Variants in CLTCL1 observed in about 807,000 individuals in gnomAD.
CLTCL1 encodes clathrin heavy chain 2.
CLTCL1 carries 159 observed loss-of-function variants against 190.0 expected under a neutral mutation model. The ratio of observed to expected loss-of-function variants is 0.84; its 90% CI spans 0.74 to 0.95. The LOEUF is 0.95. Among genes scored for constraint, CLTCL1 ranks in the 40% least tolerant of loss-of-function variants. CLTCL1 has a pLI of 0.00. For synonymous variants in CLTCL1, 752 were observed against 769.6 expected (o/e 0.98, Z 0.38); for missense variants, 1,878 against 2,033.4 (o/e 0.92, Z 1.47).
intron 22 of CLTCL1, among the ~76,000 whole-genome samples, chr22:19,204,559 A>C (rs2084994225): frequency 1.3e-5 from 2 of 152,282 alleles, no homozygotes; most frequent in South Asian, 2.1e-4. Context: ...ACGGGGCAGA[A>C]ATCTGATTAC....
chr22:19,234,447 T>C, intron 7 of CLTCL1, 62 bp downstream of exon 7: 8 of 1,380,154 alleles, frequency 5.8e-6, no homozygotes, highest in Non-Finnish European at 6.9e-6. Flanking sequence ...TTATGACTTA[T>C]TTTCCTCTCA....
At chr22:19,230,881 C>T (rs2085898135) in intron 10 of CLTCL1, among the ~76,000 whole-genome samples, 1 of 152,130 alleles carries the variant, frequency 6.6e-6, no homozygotes, top group South Asian at 2.1e-4. Flanking sequence ...GAATGATCCA[C>T]TCTCAATGTC....
At chr22:19,255,863 T>C (rs2086730227) in intron 2 of CLTCL1, among the ~76,000 whole-genome samples, 2 of 151,206 alleles carry the variant, frequency 1.3e-5, no homozygotes, top group East Asian at 3.9e-4. Context: ...TGAGCCAAAA[T>C]TGTGCCACTG....
rs1555926916 is a variant in CLTCL1 at position 19,183,590 on chromosome 22, C to T, written c.4627G>A (p.Glu1543Lys). ...TGGGCCAGCTCAGCATCCCGCGACT[C>T]TGCAGCATGCTGCATGGCATCCTGC... is the stretch of plus-strand genomic sequence containing the variant. ...LYKDAMQHAAESRDAELAQKL... is the reference protein window; with the variant it reads ...LYKDAMQHAAKSRDAELAQKL... The change falls in exon 30 of 33, where the codon GAG (glutamate) becomes AAG (lysine). Residue 1543 changes from glutamate to lysine, a missense_variant. Physicochemically the swap from Glu to Lys is moderately conservative, Grantham distance 56. Coordinates refer to ENST00000427926, the MANE Select transcript of CLTCL1 (RefSeq NM_007098.4). 1 of 1,613,604 alleles carries T rather than the reference C, an allele frequency of 6.2e-7. No individual in the cohort carries two copies. Among genetic ancestry groups the T allele is most frequent in the Non-Finnish European group, 8.5e-7 (1 of 1,179,860 alleles).
At chr22:19,213,433 A>G (rs538487196) in intron 19 of CLTCL1, among the ~76,000 whole-genome samples, 1 of 152,382 alleles carries the variant, frequency 6.6e-6, no homozygotes, top group African/African-American at 2.4e-5. Flanking sequence ...CTTAAACAGT[A>G]CATATACCAT....
chr22:19,232,287 G>T (rs1425716739), intron 10 of CLTCL1, among the ~76,000 whole-genome samples, 189 bp downstream of exon 10: 1 of 152,114 alleles, frequency 6.6e-6, no homozygotes. Flanking sequence ...CAAAACAAAG[G>T]AAGCAATGAG....
chr22:19,278,110 C>T (rs782497395), intron 1 of CLTCL1, among the ~76,000 whole-genome samples: 18 of 152,272 alleles, frequency 1.2e-4, no homozygotes, highest in Admixed American at 7.2e-4. Flanking sequence ...CCCAGCACAC[C>T]GCTCTTCAGG....
intron 4 of CLTCL1, 59 bp from the exon 5 acceptor site, chr22:19,239,447 G>A: frequency 7.9e-7 from 1 of 1,271,494 alleles, no homozygotes; most frequent in Non-Finnish European, 1.2e-6. Context: ...GCAAGTGCTA[G>A]TCAAGGCACA....
At chr22:19,226,948 G>A (rs2085765444) in intron 11 of CLTCL1, among the ~76,000 whole-genome samples, 1 of 151,972 alleles carries the variant, frequency 6.6e-6, no homozygotes, top group Non-Finnish European at 1.5e-5. Flanking sequence ...ATGTTGGCCA[G>A]GCTGGTCTCG....
intron 24 of CLTCL1, 44 bp downstream of exon 24, chr22:19,199,690 G>T: frequency 6.9e-7 from 1 of 1,447,626 alleles, no homozygotes; most frequent in Non-Finnish European, 9.5e-7. Context: ...GAGTGTTTAG[G>T]CATCACTTGT....
chr22:19,194,558 T>A lies in CLTCL1; in HGVS notation c.4191+1708A>T, dbSNP rs191370833. On this transcript the variant is annotated intron_variant, in intron 26 of 32. Coordinates refer to ENST00000427926, the MANE Select transcript of CLTCL1 (RefSeq NM_007098.4). ...CCGCCACAAGCTCCAGGATAGCTGG[T>A]TGGCGTGCTGTGCTGCACAACCTGA... is the stretch of plus-strand genomic sequence containing the variant. Among the ~76,000 whole-genome samples, 13 of 152,360 alleles carry A rather than the reference T, an allele frequency of 8.5e-5. No individual in the cohort carries two copies. The East Asian group carries it at 2.5e-3, about 29-fold the overall frequency.
chr22:19,269,521 A>G (rs969646060), intron 2 of CLTCL1, among the ~76,000 whole-genome samples: 15 of 152,372 alleles, frequency 9.8e-5, no homozygotes, highest in East Asian at 9.6e-4. Flanking sequence ...TACAATAGCA[A>G]AGACATGGAA....
In CLTCL1 at chr22:19,221,581, GGA is replaced by G; in HGVS notation, c.2590_2591del (p.Ser864ProfsTer7). On this transcript the variant is annotated frameshift_variant, in exon 17 of 33. Transcript: ENST00000427926. LOFTEE classifies it high-confidence loss of function. ...RLKLLLPWLE[S>X]QIQEGCEEPA... ...GCTCCTCACAGCCTTCCTGAATCTG[GGA>G]CTCCAGCCAGGGAAGCAGCAGCTTG... The G allele has an allele frequency of 3.1e-6, 5 of 1,597,132 alleles. No individual in the cohort carries two copies. Among genetic ancestry groups the G allele is most frequent in the Non-Finnish European group, 2.6e-6 (3 of 1,171,636 alleles).
At chr22:19,235,361 T>C (rs1205845104) in intron 6 of CLTCL1, among the ~76,000 whole-genome samples, 5 of 152,228 alleles carry the variant, frequency 3.3e-5, no homozygotes, top group African/African-American at 1.2e-4. Flanking sequence ...AACTATCTTT[T>C]TCAACTATGG....
intron 26 of CLTCL1, among the ~76,000 whole-genome samples, chr22:19,195,940 C>G (rs2084685883): frequency 1.3e-5 from 2 of 152,026 alleles, no homozygotes; most frequent in South Asian, 2.1e-4. Flanking sequence ...GAAGGAAGAA[C>G]GAACTGAGGC....
intron 3 of CLTCL1, among the ~76,000 whole-genome samples, chr22:19,252,762 C>A (rs1297191326): frequency 6.6e-6 from 1 of 152,188 alleles, no homozygotes; most frequent in Admixed American, 6.5e-5. Context: ...CGCCTGTAAT[C>A]CCAGCACTTT....
chr22:19,242,663 GA>G, intron 4 of CLTCL1, 111 bp downstream of exon 4: 2 of 1,186,344 alleles, frequency 1.7e-6, no homozygotes, highest in Non-Finnish European at 2.5e-6. Flanking sequence ...ACACCACCAT[GA>G]ACCTTTCCTC....
At chr22:19,188,945 G>A (rs546069247) in intron 27 of CLTCL1, among the ~76,000 whole-genome samples, 23 of 151,362 alleles carry the variant, frequency 1.5e-4, no homozygotes, top group Non-Finnish European at 2.2e-4. Flanking sequence ...TTTTTGGGGC[G>A]GGAGACGGAG....
chr22:19,279,627 C>T lies in CLTCL1; in HGVS notation c.43-3797G>A, dbSNP rs145855093. 3.6e-3 allele frequency among the ~76,000 whole-genome samples: 542 copies of T among 152,290 alleles called. 2 individuals are homozygous for T. In the Middle Eastern group the frequency reaches 0.068, roughly 19 times the overall value. On this transcript the variant is annotated intron_variant, in intron 1 of 32. Coordinates refer to ENST00000427926, the MANE Select transcript of CLTCL1 (RefSeq NM_007098.4). ...GCCAAGTAAATGTGATAGAATAAAT[C>T]TTCATTTCAGCAAAGTATCTGGCTT...
Sources: allele counts gnomAD v4.1 joint callset (sites outside exome capture counted in the v4.1 genomes callset), GRCh38; gene constraint gnomAD v4.1.1; transcripts MANE v1.5; gene names NCBI Gene and HGNC (gene_info 2026-07-23, HGNC 2026-07-21).